Variants in B4GALT5 observed in about 807,000 individuals in gnomAD.
The protein encoded by B4GALT5 is UDP-Gal:beta-GlcNAc beta-1,4-galactosyltransferase 5.
In B4GALT5, 11 loss-of-function variants were observed where a neutral mutation model predicts 45.0. That is an observed-to-expected ratio of 0.24 (90% CI 0.15 to 0.40). The LOEUF (loss-of-function observed/expected upper bound fraction) is 0.40, where lower values mean the gene tolerates loss of function less well. Among genes scored for constraint, B4GALT5 ranks in the 10% least tolerant of loss-of-function variants. The probability of loss-of-function intolerance (pLI) is 1.00; values close to 1 mark genes in which losing one functional copy is unlikely to be tolerated. For synonymous variants in B4GALT5, 185 were observed against 182.9 expected (o/e 1.01, Z -0.09); for missense variants, 337 against 500.2 (o/e 0.67, Z 3.11).
chr20:49,681,340 C>A lies in B4GALT5; in HGVS notation c.116-24638G>T, dbSNP rs79279070. Among the ~76,000 whole-genome samples, 1,329 of 151,804 alleles carry A rather than the reference C, an allele frequency of 8.8e-3. 12 individuals are homozygous for A. Among genetic ancestry groups the A allele is most frequent in the African/African-American group, 0.03 (1,261 of 41,362 alleles). On this transcript the variant is annotated intron_variant, in intron 1 of 8. Coordinates refer to ENST00000371711, the MANE Select transcript of B4GALT5 (RefSeq NM_004776.4). ...TAAGAGTCAGAGCGCTACATGCATC[C>A]GTAATCAGAATCAAAGAATCCACAC...
intron 2 of B4GALT5, among the ~76,000 whole-genome samples, chr20:49,650,498 A>G (rs6063415): frequency 0.46 from 69,438 of 149,650 alleles, 17,088 homozygotes; most frequent in South Asian, 0.65. Flanking sequence ...TTAGCCGGGC[A>G]TGGTGGCAGG....
At chr20:49,637,581 G>A in intron 7 of B4GALT5, 139 bp from the exon 8 acceptor site, 2 of 634,810 alleles carry the variant, frequency 3.2e-6, no homozygotes, top group South Asian at 1.9e-5. Context: ...GACTCATTGT[G>A]TCATTTCTTA....
At chr20:49,658,393 T>C (rs1335932746) in intron 1 of B4GALT5, among the ~76,000 whole-genome samples, 1 of 152,224 alleles carries the variant, frequency 6.6e-6, no homozygotes, top group Non-Finnish European at 1.5e-5. Context: ...TGTGTTGTTG[T>C]TGTTGTTTTT....
intron 1 of B4GALT5, among the ~76,000 whole-genome samples, chr20:49,678,110 C>A (rs2085747445): frequency 6.6e-6 from 1 of 152,232 alleles, no homozygotes. Context: ...TTAGGACAAA[C>A]AGCAAACAAA....
intron 1 of B4GALT5, among the ~76,000 whole-genome samples, chr20:49,679,503 C>T (rs1339009256): frequency 7.0e-6 from 1 of 143,272 alleles, no homozygotes; most frequent in Non-Finnish European, 1.5e-5. Context: ...CCCGTCTCTA[C>T]TAAAAAAAAA....
intron 1 of B4GALT5, chr20:49,684,499 C>A (rs575217390): frequency 2.3e-4 from 117 of 498,196 alleles, no homozygotes; most frequent in African/African-American, 2.2e-3. Flanking sequence ...GGAGGCAGAG[C>A]TTGCAGTGAG....
chr20:49,701,846 A>G, intron 1 of B4GALT5, among the ~76,000 whole-genome samples: 1 of 143,294 alleles, frequency 7.0e-6, no homozygotes. Flanking sequence ...AAGCCAAGAC[A>G]GGTGGATCAG....
At chr20:49,661,574 G>A (rs2085665085) in intron 1 of B4GALT5, among the ~76,000 whole-genome samples, 1 of 152,040 alleles carries the variant, frequency 6.6e-6, no homozygotes, top group Non-Finnish European at 1.5e-5. Context: ...CTAATAATAT[G>A]GTCCTGCGCA....
At chr20:49,683,992 T>C (rs1341382774) in intron 1 of B4GALT5, among the ~76,000 whole-genome samples, 1 of 151,508 alleles carries the variant, frequency 6.6e-6, no homozygotes, top group Non-Finnish European at 1.5e-5. Context: ...AATACAAAAA[T>C]TAGCCAGGTG....
chr20:49,686,321 G>A (rs1171757111), intron 1 of B4GALT5, among the ~76,000 whole-genome samples: 1 of 152,072 alleles, frequency 6.6e-6, no homozygotes, highest in African/African-American at 2.4e-5. Flanking sequence ...GTTTGCTCCT[G>A]TCAGTTTTAA....
chr20:49,649,681 G>C lies in B4GALT5; in HGVS notation c.251-2603C>G, dbSNP rs180974025. 3.4e-3 allele frequency among the ~76,000 whole-genome samples: 516 copies of C among 152,206 alleles called. 1 individual carries two copies. Among genetic ancestry groups the C allele is most frequent in the African/African-American group, 0.012 (479 of 41,536 alleles). On this transcript the variant is annotated intron_variant, in intron 2 of 8. Coordinates refer to ENST00000371711, the MANE Select transcript of B4GALT5 (RefSeq NM_004776.4). ...AGCTCATACATGCAAACCTGGCCTG[G>C]GTTGAATCTTCTTCTGAAGGTAGTA...
At chr20:49,683,423 T>C (rs1477427403) in intron 1 of B4GALT5, among the ~76,000 whole-genome samples, 1 of 138,794 alleles carries the variant, frequency 7.2e-6, no homozygotes, top group Non-Finnish European at 1.5e-5. Flanking sequence ...AGATGGAGTC[T>C]CACTCTGTTG....
Position 49,640,669 on chromosome 20 carries a change from A to G in B4GALT5, c.607-4T>C, listed in dbSNP as rs780270892. ...GATTAAAGGGTTGGGTACCAACCTA[A>G]AAGAAACAGAACTTTATCTTTAAAA... On this transcript the variant is annotated splice_polypyrimidine_tract_variant and splice_region_variant and intron_variant, in intron 5 of 8. Coordinates refer to ENST00000371711, the MANE Select transcript of B4GALT5 (RefSeq NM_004776.4). 7 of 1,587,522 alleles carry G rather than the reference A, an allele frequency of 4.4e-6. No individual in the cohort carries two copies. The East Asian group carries it at 1.1e-4, about 25-fold the overall frequency.
At position 49,651,602 on chromosome 20, in the gene B4GALT5, AAGAT is replaced by A. The variant is rs1349921212; in HGVS notation, c.251-4528_251-4525del. Among the ~76,000 whole-genome samples the A allele has an allele frequency of 2.6e-5, 4 of 151,988 alleles. No individual in the cohort carries two copies. In the East Asian group the frequency reaches 5.8e-4, roughly 22 times the overall value. On this transcript the variant is annotated intron_variant, in intron 2 of 8. Transcript: ENST00000371711. ...AGACTCCGTCTCAAAAAAAAAAAAG[AAGAT>A]AGATAGATAGAAAATGGGAAAACAA...
chr20:49,656,722 G>GA lies in B4GALT5; in HGVS notation c.116-21dup. 6.2e-7 allele frequency: 1 copy of GA among 1,613,344 alleles called. No individual in the cohort carries two copies. Among genetic ancestry groups the GA allele is most frequent in the Non-Finnish European group, 8.5e-7 (1 of 1,179,712 alleles). On this transcript the variant is annotated intron_variant, in intron 1 of 8. Transcript: ENST00000371711. The stretch of plus-strand genomic sequence containing the variant: ...TGTTCACTGCAGAAAGCAAAAAGGG[G>GA]AAAAAGAGGTGGATTCAGAAGCAAT...
chr20:49,697,675 C>T (rs985609476), intron 1 of B4GALT5, among the ~76,000 whole-genome samples: 1 of 151,616 alleles, frequency 6.6e-6, no homozygotes, highest in Non-Finnish European at 1.5e-5. Flanking sequence ...CTTTAAAAAT[C>T]CAGGTTATGA....
At chr20:49,686,680 G>A (rs1031243798) in intron 1 of B4GALT5, among the ~76,000 whole-genome samples, 1 of 138,004 alleles carries the variant, frequency 7.2e-6, no homozygotes, top group African/African-American at 2.7e-5. Context: ...TGAGGCCAAG[G>A]GTTCTTGCTA....
intron 1 of B4GALT5, among the ~76,000 whole-genome samples, chr20:49,688,808 G>T (rs993946544): frequency 1.3e-5 from 2 of 151,868 alleles, no homozygotes; most frequent in Non-Finnish European, 2.9e-5. Flanking sequence ...TTGGTGGCGC[G>T]TGCCTGTAAT....
At chr20:49,652,310 C>T (rs936429503) in intron 2 of B4GALT5, among the ~76,000 whole-genome samples, 15 of 145,460 alleles carry the variant, frequency 1.0e-4, no homozygotes, top group Non-Finnish European at 2.1e-4. Context: ...GACCAATGGA[C>T]CCCAGCAAGA....
Sources: gnomAD v4.1 joint callset for allele counts (sites outside exome capture counted in the v4.1 genomes callset) on GRCh38, gnomAD v4.1.1 for gene constraint, MANE v1.5 for transcripts, NCBI Gene and HGNC (gene_info 2026-07-23, HGNC 2026-07-21) for gene names.